SF3B3: variants seen among roughly 807,000 people sequenced by gnomAD.
The protein encoded by SF3B3 is SAP 130.
In SF3B3, 33 loss-of-function variants were observed where a neutral mutation model predicts 139.2. That is an observed-to-expected ratio of 0.24 (90% CI 0.18 to 0.32). SF3B3 has a LOEUF of 0.32. Ranked by LOEUF, SF3B3 falls within the 10% of genes least tolerant of loss-of-function variation. The pLI, the probability that SF3B3 is intolerant of heterozygous loss-of-function variation, is 1.00. For synonymous variants in SF3B3, 596 were observed against 563.6 expected, an observed-to-expected ratio of 1.06 and a Z score of -0.81; for missense variants, 818 against 1,509.4, an observed-to-expected ratio of 0.54 and a Z score of 7.59.
intron 16 of SF3B3, 37 bp from the exon 17 acceptor site, chr16:70,561,593 A>G: frequency 1.3e-6 from 2 of 1,599,870 alleles, no homozygotes; most frequent in Non-Finnish European, 1.7e-6. Context: ...ATTTTTTCCC[A>G]AACCTTATTG....
chr16:70,539,217 C>T lies in SF3B3; in HGVS notation c.1067+10C>T. On this transcript the variant is annotated intron_variant, in intron 8 of 25. Coordinates refer to ENST00000302516, the MANE Select transcript of SF3B3 (RefSeq NM_012426.5). ...CAGAATTTGGAAACCAGTGAGTAAT[C>T]CTTCTGTTACCCTAGTTCACCCTGG... is the stretch of plus-strand genomic sequence containing the variant. The T allele has an allele frequency of 6.4e-7, 1 of 1,568,630 alleles. No individual in the cohort carries two copies. Among genetic ancestry groups the T allele is most frequent in the East Asian group, 2.2e-5 (1 of 44,652 alleles).
rs1224010770 is a variant in SF3B3 at position 70,556,719 on chromosome 16, GAAATTGGGTGT to G, written c.1867-164_1867-154del. The G allele has an allele frequency of 5.9e-6, 4 of 675,436 alleles. No individual in the cohort carries two copies. In the East Asian group the frequency reaches 1.1e-4, roughly 19 times the overall value. 41.8% of individuals were successfully genotyped at this position (675,436 alleles called of 1,614,324 possible). ...GCATGATCTTCCCGAAGCTTATTCT[GAAATTGGGTGT>G]AACTAATAACTCAGTACTCTCTTAG... On this transcript the variant is annotated intron_variant, in intron 14 of 25. Coordinates refer to ENST00000302516, the MANE Select transcript of SF3B3 (RefSeq NM_012426.5).
chr16:70,560,973 G>A (rs1178077523), intron 16 of SF3B3, among the ~76,000 whole-genome samples: 1 of 151,988 alleles, frequency 6.6e-6, no homozygotes, highest in Non-Finnish European at 1.5e-5. Flanking sequence ...AGTTAAGAAT[G>A]TTAGTGTTTC....
intron 3 of SF3B3, among the ~76,000 whole-genome samples, chr16:70,530,350 G>A (rs867131774): frequency 1.9e-4 from 27 of 141,160 alleles, no homozygotes; most frequent in South Asian, 6.7e-4. Context: ...GCAGAGTTTC[G>A]CACTTGTTGC....
chr16:70,568,564 A>G, intron 22 of SF3B3, 69 bp downstream of exon 22: 1 of 1,245,978 alleles, frequency 8.0e-7, no homozygotes. Context: ...TTGTGGGTAA[A>G]GCCAAGGAGG....
chr16:70,542,821 A>G (rs2050232401), intron 9 of SF3B3, among the ~76,000 whole-genome samples: 1 of 148,992 alleles, frequency 6.7e-6, no homozygotes, highest in Non-Finnish European at 1.5e-5. Context: ...TCCCAGGTTC[A>G]CGCCATTCTC....
chr16:70,546,124 G>C (rs955574999), intron 10 of SF3B3, among the ~76,000 whole-genome samples: 5 of 152,100 alleles, frequency 3.3e-5, no homozygotes, highest in Admixed American at 6.6e-5. Context: ...GCGCCATCAC[G>C]CTTGGCTAAT....
intron 2 of SF3B3, among the ~76,000 whole-genome samples, chr16:70,528,200 T>C (rs2050083881): frequency 1.4e-5 from 2 of 146,572 alleles, no homozygotes; most frequent in South Asian, 2.2e-4. Flanking sequence ...AGTCTTGCTG[T>C]GTTGCCCAGG....
intron 22 of SF3B3, 47 bp downstream of exon 22, chr16:70,568,542 T>C: frequency 1.3e-6 from 2 of 1,488,328 alleles, no homozygotes; most frequent in Non-Finnish European, 1.9e-6. Flanking sequence ...GTAGGAAAGC[T>C]GGCTCAGTTT....
intron 8 of SF3B3, 79 bp from the exon 9 acceptor site, chr16:70,541,590 G>C (rs1432291439): frequency 8.9e-7 from 1 of 1,129,862 alleles, no homozygotes; most frequent in African/African-American, 1.6e-5. Context: ...CAAATAGCTT[G>C]TGCTTTATGT....
At chr16:70,554,621 ACTTGGCCTGCTTTGTTCTTT>A (rs1407925194) in intron 12 of SF3B3, 24 bp downstream of exon 12, 1 of 1,613,054 alleles carries the variant, frequency 6.2e-7, no homozygotes, top group East Asian at 2.2e-5. Context: ...GAGCTTACCT[ACTTGGCCTGCTTTGTTCTTT>A]CTTGGCCTTC....
rs1195294262 is a variant in SF3B3 at position 70,573,071 on chromosome 16, A to G, written c.*1258A>G. Reference sequence around the variant, plus strand: ...GTGGAATACAATCTGAACCTCTCAGAGCCCAGAACAGAGGGTTCCTGACAC... The same window carrying G: ...GTGGAATACAATCTGAACCTCTCAGGGCCCAGAACAGAGGGTTCCTGACAC... On this transcript the variant is annotated 3_prime_UTR_variant, in exon 26 of 26. Transcript: ENST00000302516. The G allele has an allele frequency of 6.6e-6, 1 of 152,202 alleles. No homozygotes were observed. Among genetic ancestry groups the G allele is most frequent in the Non-Finnish European group, 1.5e-5 (1 of 68,046 alleles). 9.4% of individuals were successfully genotyped at this position (152,202 alleles called of 1,614,324 possible).
intron 15 of SF3B3, among the ~76,000 whole-genome samples, chr16:70,559,845 G>A (rs1391982374): frequency 2.0e-5 from 3 of 151,068 alleles, no homozygotes; most frequent in Non-Finnish European, 2.9e-5. Context: ...TCAAGCAGTC[G>A]TCCTTCCTTG....
chr16:70,548,478 C>G (rs1390517301), intron 11 of SF3B3, 36 bp downstream of exon 11: 2 of 1,569,788 alleles, frequency 1.3e-6, no homozygotes, highest in Non-Finnish European at 8.8e-7. Context: ...AAATGAGGAT[C>G]TAGGTGCCAT....
intron 16 of SF3B3, among the ~76,000 whole-genome samples, chr16:70,561,177 C>T (rs553605600): frequency 5.9e-5 from 9 of 152,288 alleles, no homozygotes; most frequent in African/African-American, 1.4e-4. Flanking sequence ...CATGCCACCA[C>T]GCCCAGCTAA....
At chr16:70,539,778 AT>A (rs147076928) in intron 8 of SF3B3, among the ~76,000 whole-genome samples, 56,023 of 143,512 alleles carry the variant, frequency 0.39, 10,954 homozygotes, top group South Asian at 0.64. Flanking sequence ...CATCAAATAA[AT>A]TTTTTTTTTT....
intron 14 of SF3B3, 102 bp from the exon 15 acceptor site, chr16:70,556,779 GTGCAT>G: frequency 7.8e-7 from 1 of 1,279,236 alleles, no homozygotes; most frequent in Non-Finnish European, 1.1e-6. Context: ...GGTTTTTTCT[GTGCAT>G]AAGGAAGTAC....
In SF3B3 at chr16:70,568,456, C is replaced by T; in HGVS notation, c.3126C>T (p.Asp1042=). 1.2e-6 allele frequency: 2 copies of T among 1,614,010 alleles called. No homozygotes were observed. The highest frequency in any genetic ancestry group is 1.1e-5 in the South Asian group (1 of 91,078). ...WVTTASLLDY[D]TVAGADKFGN... ...CTACAGCCAGCCTCCTGGACTATGACACTGTGGCTGGGGCAGACAAGTTTG... is the reference window on the plus strand; with the variant it reads ...CTACAGCCAGCCTCCTGGACTATGATACTGTGGCTGGGGCAGACAAGTTTG... The change falls in exon 22 of 26, where the codon GAC becomes GAT. Residue 1042 remains aspartate, a synonymous_variant. Coordinates refer to ENST00000302516, the MANE Select transcript of SF3B3 (RefSeq NM_012426.5).
rs2151797253 is a variant in SF3B3 at position 70,574,048 on chromosome 16, T to A, written c.*2235T>A. On this transcript the variant is annotated 3_prime_UTR_variant, in exon 26 of 26. Transcript: ENST00000302516. ...GAAAAGGCTCGTCTCACAGGGAGAG[T>A]GCTGGTCCCCAGAATGTGTGCTGTT... 6.6e-6 allele frequency: 1 copy of A among 151,998 alleles called. No individual in the cohort carries two copies. Among genetic ancestry groups the A allele is most frequent in the Admixed American group, 6.6e-5 (1 of 15,244 alleles). The allele number at this position is 151,998 out of a possible 1,614,324, so 9.4% of individuals were successfully genotyped here. A position where few individuals can be genotyped will look rare whatever the true frequency, so the allele number is the denominator to read the frequency against.
Sources: allele counts gnomAD v4.1 joint callset (sites outside exome capture counted in the v4.1 genomes callset), GRCh38; gene constraint gnomAD v4.1.1; transcripts MANE v1.5; gene names NCBI Gene and HGNC (gene_info 2026-07-23, HGNC 2026-07-21).